The following LRRC37A variants were observed in gnomAD, a reference collection of about 807,000 sequenced individuals.
LRRC37A encodes the protein leucine-rich repeat-containing protein 37A.
LRRC37A carries 3 observed loss-of-function variants against 35.4 expected under a neutral mutation model. That is an observed-to-expected ratio of 0.08 (90% CI 0.04 to 0.22). The LOEUF (loss-of-function observed/expected upper bound fraction) is 0.22. Among genes scored for constraint, LRRC37A ranks in the 10% least tolerant of loss-of-function variants. LRRC37A has a pLI of 1.00. For synonymous variants in LRRC37A, 23 were observed against 215.0 expected, an observed-to-expected ratio of 0.11 and a Z score of 7.81; for missense variants, 67 against 565.3, an observed-to-expected ratio of 0.12 and a Z score of 8.94.
At chr17:46,250,752 C>G in the LRRC37A span, among the ~76,000 whole-genome samples, 1 of 152,310 alleles carries the variant, frequency 6.6e-6, no homozygotes, top group East Asian at 1.9e-4. Flanking sequence ...CTGACTAATA[C>G]GCTCAGTGAC....
At chr17:46,279,476 A>C in the LRRC37A span, among the ~76,000 whole-genome samples, 1 of 144,290 alleles carries the variant, frequency 6.9e-6, no homozygotes, top group Admixed American at 6.9e-5. Flanking sequence ...GAGCCACCGC[A>C]CCTGGCCTTT....
chr17:46,323,406 T>G (rs1470921267), intron 7 of LRRC37A, among the ~76,000 whole-genome samples: 2 of 102,110 alleles, frequency 2.0e-5, no homozygotes, highest in East Asian at 5.0e-4. Flanking sequence ...TAATTTTTTT[T>G]TTGTTTTTGA....
chr17:46,264,737 A>G, the LRRC37A span, among the ~76,000 whole-genome samples: 1 of 152,246 alleles, frequency 6.6e-6, no homozygotes. Flanking sequence ...GAGTTCTTCC[A>G]GCTGTTGCCA....
At chr17:46,258,452 A>G in the LRRC37A span, among the ~76,000 whole-genome samples, 21,496 of 151,342 alleles carry the variant, frequency 0.14, 2,068 homozygotes, top group Non-Finnish European at 0.22. Flanking sequence ...CTTGTGATCC[A>G]CCTGCCTTGG....
chr17:46,265,545 C>T, the LRRC37A span, among the ~76,000 whole-genome samples: 3 of 151,710 alleles, frequency 2.0e-5, no homozygotes, highest in African/African-American at 7.3e-5. Flanking sequence ...GTGGCACGAT[C>T]TCGGCTCACT....
chr17:46,282,430 A>T, the LRRC37A span, among the ~76,000 whole-genome samples: 2 of 138,410 alleles, frequency 1.4e-5, no homozygotes, highest in African/African-American at 5.4e-5. Context: ...TTTTTTTTTT[A>T]AACAGGCAAG....
At chr17:46,284,483 G>A in the LRRC37A span, among the ~76,000 whole-genome samples, 2 of 152,258 alleles carry the variant, frequency 1.3e-5, no homozygotes, top group Non-Finnish European at 2.9e-5. Context: ...TCTCAAGGCA[G>A]AAGAACTTTT....
upstream of LRRC37A, among the ~76,000 whole-genome samples, chr17:46,290,849 C>G (rs2732600): frequency 0.12 from 18,731 of 150,226 alleles, 1 homozygote; most frequent in Middle Eastern, 0.19. Context: ...TGATTCCCCA[C>G]GCCAAAATTT....
the LRRC37A span, among the ~76,000 whole-genome samples, chr17:46,283,689 A>G: frequency 6.6e-6 from 1 of 151,884 alleles, no homozygotes; most frequent in Admixed American, 6.6e-5. Context: ...AAAGAAAAAG[A>G]CACAGAGACA....
the LRRC37A span, among the ~76,000 whole-genome samples, chr17:46,262,288 C>T: frequency 6.6e-6 from 1 of 152,242 alleles, no homozygotes; most frequent in African/African-American, 2.4e-5. Context: ...CCTGCCTTGG[C>T]CTCCCAAAGT....
the LRRC37A span, among the ~76,000 whole-genome samples, chr17:46,278,410 T>G: frequency 1.9e-5 from 2 of 106,402 alleles, no homozygotes; most frequent in African/African-American, 5.8e-5. Context: ...TGTTTTTTTT[T>G]TGTTGTTGTT....
chr17:46,250,131 A>C, the LRRC37A span, among the ~76,000 whole-genome samples: 1 of 152,084 alleles, frequency 6.6e-6, no homozygotes, highest in African/African-American at 2.4e-5. Context: ...TGGTTTTGCC[A>C]TGTTGGCCAG....
At chr17:46,289,930 G>A (rs77011525), upstream of LRRC37A, among the ~76,000 whole-genome samples, 19,801 of 151,822 alleles carry the variant, frequency 0.13, 18 homozygotes, top group Middle Eastern at 0.2. Flanking sequence ...GAGCAGCCTG[G>A]CCACATGGTG....
chr17:46,290,487 C>T (rs936580256), upstream of LRRC37A, among the ~76,000 whole-genome samples: 2 of 152,234 alleles, frequency 1.3e-5, no homozygotes, highest in African/African-American at 2.4e-5. Context: ...GAGATGGAGT[C>T]TCGCTCTGTC....
chr17:46,259,052 T>TTTTTTC, the LRRC37A span, among the ~76,000 whole-genome samples: 1 of 132,480 alleles, frequency 7.5e-6, no homozygotes, highest in Non-Finnish European at 1.6e-5. Flanking sequence ...TTTTTTTTTT[T>TTTTTTC]TACTAACCAG....
the LRRC37A span, among the ~76,000 whole-genome samples, chr17:46,248,797 C>T: frequency 6.6e-6 from 1 of 151,990 alleles, no homozygotes; most frequent in African/African-American, 2.4e-5. Context: ...TAGGATTACA[C>T]GTGTGAGCCA....
chr17:46,260,919 C>T, the LRRC37A span, among the ~76,000 whole-genome samples: 19,684 of 151,856 alleles, frequency 0.13, 1 homozygote, highest in Middle Eastern at 0.2. Context: ...CACCGTGCCC[C>T]GTCTATGGAG....
At chr17:46,277,654 T>C in the LRRC37A span, among the ~76,000 whole-genome samples, 4 of 102,368 alleles carry the variant, frequency 3.9e-5, no homozygotes, top group Non-Finnish European at 1.0e-4. Context: ...TCTTTCTTTC[T>C]TTTTTTTTTT....
At chr17:46,279,501 T>TC in the LRRC37A span, among the ~76,000 whole-genome samples, 1 of 28,158 alleles carries the variant, frequency 3.6e-5, no homozygotes, top group Non-Finnish European at 1.4e-4. Context: ...TCTTTCTTTC[T>TC]TTTTTTTTTT....
Sources: allele counts gnomAD v4.1 joint callset (sites outside exome capture counted in the v4.1 genomes callset), GRCh38; gene constraint gnomAD v4.1.1; transcripts MANE v1.5; gene names NCBI Gene and HGNC (gene_info 2026-07-23, HGNC 2026-07-21).